GSTCD: variants seen among roughly 807,000 people sequenced by gnomAD.
The protein encoded by GSTCD is glutathione S-transferase C-terminal domain containing.
A neutral mutation model predicts 68.3 loss-of-function variants in GSTCD; 44 were observed. The observed-to-expected ratio is 0.64, with a 90% CI of 0.51 to 0.83. The LOEUF (loss-of-function observed/expected upper bound fraction) is 0.83, where lower values mean the gene tolerates loss of function less well. Ranked by LOEUF, GSTCD falls within the 40% of genes least tolerant of loss-of-function variation. The pLI is 0.00. For synonymous variants in GSTCD, 273 were observed against 255.2 expected (o/e 1.07, Z -0.67); for missense variants, 739 against 735.9 (o/e 1.00, Z -0.05).
At chr4:105,729,901 A>G (rs1733171666) in intron 5 of GSTCD, among the ~76,000 whole-genome samples, 1 of 151,140 alleles carries the variant, frequency 6.6e-6, no homozygotes, top group Admixed American at 6.6e-5. Context: ...CACTCCCCCT[A>G]CCCCACAACA....
intron 11 of GSTCD, 86 bp from the exon 12 acceptor site, chr4:105,845,355 T>C (rs918081015): frequency 5.4e-6 from 8 of 1,471,288 alleles, no homozygotes; most frequent in Non-Finnish European, 7.5e-6. Flanking sequence ...CTTGCAGATT[T>C]TGTCACTATA....
intron 5 of GSTCD, among the ~76,000 whole-genome samples, chr4:105,772,896 C>T (rs1402225849): frequency 6.6e-6 from 1 of 152,168 alleles, no homozygotes; most frequent in Non-Finnish European, 1.5e-5. Context: ...AGGAGTCCCT[C>T]TTTTTCTGTT....
intron 5 of GSTCD, among the ~76,000 whole-genome samples, chr4:105,809,987 A>G (rs1722690617): frequency 6.6e-6 from 1 of 152,060 alleles, no homozygotes; most frequent in Non-Finnish European, 1.5e-5. Flanking sequence ...TTAGATGCTA[A>G]CCTAGTTTTT....
At chr4:105,724,987 A>T (rs558801483) in intron 3 of GSTCD, among the ~76,000 whole-genome samples, 3 of 152,124 alleles carry the variant, frequency 2.0e-5, no homozygotes, top group South Asian at 4.1e-4. Flanking sequence ...TTATAGATGA[A>T]AGGGTTTCCA....
chr4:105,750,016 A>G (rs1733952326), intron 5 of GSTCD, among the ~76,000 whole-genome samples: 1 of 152,244 alleles, frequency 6.6e-6, no homozygotes, highest in South Asian at 2.1e-4. Context: ...AAATGGGCAA[A>G]AGACATGAAC....
At chr4:105,710,530 GT>G (rs1350042224) in intron 1 of GSTCD, among the ~76,000 whole-genome samples, 1 of 151,412 alleles carries the variant, frequency 6.6e-6, no homozygotes, top group Non-Finnish European at 1.5e-5. Context: ...CGCCCGGCCT[GT>G]TTTTGTTTTT....
Position 105,717,936 on chromosome 4 carries a change from T to C in GSTCD, c.323T>C (p.Val108Ala). The C allele has an allele frequency of 6.2e-7, 1 of 1,614,090 alleles. No individual in the cohort carries two copies. The highest frequency in any genetic ancestry group is 1.1e-5 in the South Asian group (1 of 91,080). ...TTTTGTAGAGCAGGACTTGCTGTTG[T>C]ATTGAGACACATAATCCAGAAATCC... The part of the protein sequence containing the change: ...DNFCRAGLAV[V>A]LRHIIQKSYE... The change falls in exon 2 of 12, where the codon GTA becomes GCA. Residue 108 changes from valine to alanine, a missense_variant. By Grantham distance (64) the Val-to-Ala change is moderately conservative (BLOSUM62 0). Transcript: ENST00000515279.
In GSTCD at chr4:105,813,171, A is replaced by G. The variant is rs538474265; in HGVS notation, c.1241-9783A>G. Among the ~76,000 whole-genome samples the G allele has an allele frequency of 9.9e-5, 15 of 152,238 alleles. No individual in the cohort carries two copies. The South Asian group carries it at 3.1e-3, about 32-fold the overall frequency. On this transcript the variant is annotated intron_variant, in intron 5 of 11. Transcript: ENST00000515279. The stretch of plus-strand genomic sequence containing the variant: ...TCTGATAATGCAATAACAGTACCCA[A>G]CCTCATTGAGCTGTTACAAAAAAGG...
intron 9 of GSTCD, among the ~76,000 whole-genome samples, chr4:105,835,566 G>A (rs1460913015): frequency 6.6e-6 from 1 of 152,110 alleles, no homozygotes; most frequent in Admixed American, 6.5e-5. Context: ...ACCCCTCAGA[G>A]GGTATCACAG....
intron 10 of GSTCD, among the ~76,000 whole-genome samples, chr4:105,839,706 A>G (rs148205965): frequency 6.6e-6 from 1 of 152,266 alleles, no homozygotes; most frequent in Non-Finnish European, 1.5e-5. Context: ...AAAGGAAAGA[A>G]AAGAAAAAAG....
chr4:105,818,129 G>A (rs892336158), intron 5 of GSTCD, among the ~76,000 whole-genome samples: 4 of 151,546 alleles, frequency 2.6e-5, no homozygotes, highest in East Asian at 3.9e-4. Flanking sequence ...TTCAGCTAAC[G>A]GTTTTTTGGG....
At chr4:105,774,940 C>T (rs995660185) in intron 5 of GSTCD, among the ~76,000 whole-genome samples, 1 of 152,054 alleles carries the variant, frequency 6.6e-6, no homozygotes, top group African/African-American at 2.4e-5. Flanking sequence ...GATAATATCC[C>T]AAGGAGTGTT....
intron 5 of GSTCD, among the ~76,000 whole-genome samples, chr4:105,756,695 C>T (rs572183467): frequency 2.6e-5 from 4 of 151,826 alleles, no homozygotes; most frequent in African/African-American, 9.7e-5. Flanking sequence ...GCAGATCAAC[C>T]TTCAAAGCAG....
chr4:105,717,558 T>G, intron 1 of GSTCD, 35 bp from the exon 2 acceptor site: 1 of 1,233,444 alleles, frequency 8.1e-7, no homozygotes. Context: ...AATGATTATA[T>G]TCTAAGACCA....
At chr4:105,764,762 G>A (rs1734543312) in intron 5 of GSTCD, among the ~76,000 whole-genome samples, 2 of 152,156 alleles carry the variant, frequency 1.3e-5, no homozygotes, top group Admixed American at 1.3e-4. Context: ...CATAATTTTT[G>A]GGGGACACAT....
At chr4:105,801,912 C>A (rs182864768) in intron 5 of GSTCD, among the ~76,000 whole-genome samples, 1 of 152,082 alleles carries the variant, frequency 6.6e-6, no homozygotes, top group African/African-American at 2.4e-5. Flanking sequence ...ACCTATGAGT[C>A]CTGACAGACC....
At chr4:105,775,912 C>A (rs1368328305) in intron 5 of GSTCD, among the ~76,000 whole-genome samples, 1 of 152,194 alleles carries the variant, frequency 6.6e-6, no homozygotes, top group Non-Finnish European at 1.5e-5. Context: ...AGCCAACAGG[C>A]AGGAACATTG....
chr4:105,801,486 G>A (rs923899677), intron 5 of GSTCD, among the ~76,000 whole-genome samples: 1 of 151,884 alleles, frequency 6.6e-6, no homozygotes, highest in African/African-American at 2.4e-5. Context: ...AAGAATAAAG[G>A]GTAGTTTTCT....
At chr4:105,733,007 A>G (rs1733309529) in intron 5 of GSTCD, among the ~76,000 whole-genome samples, 1 of 152,152 alleles carries the variant, frequency 6.6e-6, no homozygotes, top group South Asian at 2.1e-4. Flanking sequence ...GTTTTGAATG[A>G]GTTTCTTAAT....
Sources: gnomAD v4.1 joint callset for allele counts (sites outside exome capture counted in the v4.1 genomes callset) on GRCh38, gnomAD v4.1.1 for gene constraint, MANE v1.5 for transcripts, NCBI Gene and HGNC (gene_info 2026-07-23, HGNC 2026-07-21) for gene names.